The following IDO1 variants were observed in gnomAD, a reference collection of about 807,000 sequenced individuals.
IDO1 encodes the protein indolamine 2,3 dioxygenase.
Under a neutral mutation model 38.8 loss-of-function variants are expected in IDO1, and 35 were observed. The observed-to-expected ratio is 0.90, with a 90% confidence interval of 0.69 to 1.20. IDO1 has a LOEUF of 1.20. Ranked by LOEUF, IDO1 falls within the 50% of genes most tolerant of loss-of-function variation. The probability of loss-of-function intolerance (pLI) is 0.00; values close to 1 mark genes in which losing one functional copy is unlikely to be tolerated. For missense variants in IDO1, 509 were observed against 485.1 expected (o/e 1.05, Z -0.46); for synonymous variants, 171 against 170.0 (o/e 1.01, Z -0.05).
In IDO1 at chr8:39,918,097, C is replaced by T. The variant is rs1807205075; in HGVS notation, c.193C>T (p.Leu65Phe). ...CTCCATTTGTTTTCAGTTAAACATGCTCAGCATTGATCATCTCACAGACCA... is the reference window on the plus strand; with the variant it reads ...CTCCATTTGTTTTCAGTTAAACATGTTCAGCATTGATCATCTCACAGACCA... ...LRERVEKLNM[L>F]SIDHLTDHKS... The change falls in exon 3 of 10, where the codon CTC (leucine) becomes TTC (phenylalanine). Residue 65 changes from leucine to phenylalanine, a missense_variant. Coordinates refer to ENST00000518237, the MANE Select transcript of IDO1 (RefSeq NM_002164.6). 1 of 1,613,918 alleles carries T rather than the reference C, an allele frequency of 6.2e-7. No individual in the cohort carries two copies. Among genetic ancestry groups the T allele is most frequent in the Non-Finnish European group, 8.5e-7 (1 of 1,179,858 alleles).
At chr8:39,917,140 A>G (rs1489304420) in intron 1 of IDO1, among the ~76,000 whole-genome samples, 3 of 152,216 alleles carry the variant, frequency 2.0e-5, no homozygotes, top group Non-Finnish European at 4.4e-5. Context: ...TGCCTAGTCC[A>G]CTATTGACAT....
At position 39,913,998 on chromosome 8, in the gene IDO1, C is replaced by A. The variant is rs978448886; in HGVS notation, c.76C>A (p.Pro26Thr). 1.3e-6 allele frequency: 2 copies of A among 1,567,556 alleles called. No homozygotes were observed. The highest frequency in any genetic ancestry group is 2.3e-5 in the East Asian group (1 of 42,632). Residue 26 changes from proline (P) to threonine (T), a missense_variant, in exon 1 of 10, where the codon CCA becomes ACA. By Grantham distance (38) the Pro-to-Thr change is conservative. Transcript: ENST00000518237. ...TGATGAAGAAGTGGGCTTTGCTCTG[C>A]CAAATCCACAGGTAAGAGAAGGCAG... ...HIDEEVGFAL[P>T]NPQENLPDFY...
At position 39,913,934 on chromosome 8, in the gene IDO1, T is replaced by C; in HGVS notation, c.12T>C (p.Ala4=). 6.4e-7 allele frequency: 1 copy of C among 1,570,096 alleles called. No homozygotes were observed. MAH[A]MENSWTISKE... ...AGCAGACTACAAGAATGGCACACGCTATGGAAAACTCCTGGACAATCAGTA... is the reference window on the plus strand; with the variant it reads ...AGCAGACTACAAGAATGGCACACGCCATGGAAAACTCCTGGACAATCAGTA... Residue 4 remains alanine (A), a synonymous_variant, in exon 1 of 10, where the codon GCT becomes GCC. Coordinates refer to ENST00000518237, the MANE Select transcript of IDO1 (RefSeq NM_002164.6).
chr8:39,917,490 C>T (rs950248000), intron 1 of IDO1, among the ~76,000 whole-genome samples: 1 of 151,904 alleles, frequency 6.6e-6, no homozygotes, highest in African/African-American at 2.4e-5. Context: ...AGTGAGACTC[C>T]AATTCAAAAA....
At position 39,917,880 on chromosome 8, in the gene IDO1, T is replaced by C. The variant is rs188033932; in HGVS notation, c.93T>C (p.Asn31=). The C allele has an allele frequency of 8.2e-6, 13 of 1,590,532 alleles. No homozygotes were observed. The Admixed American group carries it at 2.0e-4, about 25-fold the overall frequency. The change falls in exon 2 of 10, where the codon AAT becomes AAC. Residue 31 remains asparagine (N), a synonymous_variant. Transcript: ENST00000518237. The stretch of plus-strand genomic sequence containing the variant: ...GATCTTTTTTTTTTTTCAAGGAAAA[T>C]CTACCTGATTTTTATAATGACTGGA... The part of the protein sequence containing the change: ...VGFALPNPQE[N]LPDFYNDWMF...
At chr8:39,914,978 G>A (rs1489519436) in intron 1 of IDO1, among the ~76,000 whole-genome samples, 1 of 152,134 alleles carries the variant, frequency 6.6e-6, no homozygotes, top group East Asian at 1.9e-4. Flanking sequence ...TGTTGGCCAG[G>A]CTGGTCTCGA....
chr8:39,928,283 T>C lies in IDO1; in HGVS notation c.*98T>C, dbSNP rs904016169. 7 of 807,864 alleles carry C rather than the reference T, an allele frequency of 8.7e-6. No individual in the cohort carries two copies. In the African/African-American group the frequency reaches 8.7e-5, roughly 10 times the overall value. The allele number at this position is 807,864 out of a possible 1,614,324, so 50.0% of individuals were successfully genotyped here. On this transcript the variant is annotated 3_prime_UTR_variant, in exon 10 of 10. Transcript: ENST00000518237. ...AGAGCCACAAACTAATACTATGCAA[T>C]GTTTTACCAATAATGCAATACAAAA...
In IDO1 at chr8:39,917,858, C is replaced by CTT. The variant is rs59167028; in HGVS notation, c.88-6_88-5dup. On this transcript the variant is annotated splice_polypyrimidine_tract_variant and intron_variant, in intron 1 of 9. Coordinates refer to ENST00000518237, the MANE Select transcript of IDO1 (RefSeq NM_002164.6). ...ATAACTGCTACTACTAAATAAAGAT[C>CTT]TTTTTTTTTTTTCAAGGAAAATCTA... 1.4e-4 allele frequency: 158 copies of CTT among 1,165,560 alleles called. No individual in the cohort carries two copies. The highest frequency in any genetic ancestry group is 2.1e-4 in the Admixed American group (10 of 48,536). The allele number at this position is 1,165,560 out of a possible 1,614,324, so 72.2% of individuals were successfully genotyped here.
chr8:39,925,481 T>A (rs2129592439), intron 9 of IDO1, 110 bp downstream of exon 9: 2 of 1,106,764 alleles, frequency 1.8e-6, no homozygotes, highest in African/African-American at 3.2e-5. Context: ...TCTGATAGTT[T>A]TAGCAGAATC....
At chr8:39,926,473 A>G (rs1418714924) in intron 9 of IDO1, among the ~76,000 whole-genome samples, 1 of 152,182 alleles carries the variant, frequency 6.6e-6, no homozygotes, top group Non-Finnish European at 1.5e-5. Context: ...ACCCAGAGCA[A>G]TGCCTGCACC....
chr8:39,924,915 TC>T (rs1807336989), intron 8 of IDO1, 143 bp downstream of exon 8: 3 of 722,656 alleles, frequency 4.2e-6, no homozygotes, highest in Non-Finnish European at 7.3e-6. Context: ...ACTAGACTGT[TC>T]TGTTATCACT....
chr8:39,914,980 T>C (rs2129592030), intron 1 of IDO1, among the ~76,000 whole-genome samples: 1 of 152,304 alleles, frequency 6.6e-6, no homozygotes, highest in African/African-American at 2.4e-5. Context: ...TTGGCCAGGC[T>C]GGTCTCGAAC....
In IDO1 at chr8:39,925,263, G is replaced by T; in HGVS notation, c.748G>T (p.Glu250Ter). ...CCAGCTATCAGACGGTCTGGTGTAT[G>T]AAGGGTTCTGGGAAGACCCAAAGGA... ...NPQLSDGLVY[E>*]GFWEDPKEFA... The change falls in exon 9 of 10, where the codon GAA (glutamate) becomes TAA (stop). Residue 250 changes from glutamate to a stop codon, truncating the protein, a stop_gained. Transcript: ENST00000518237. LOFTEE classifies it high-confidence loss of function. 2 of 1,613,092 alleles carry T rather than the reference G, an allele frequency of 1.2e-6. No individual in the cohort carries two copies. Among genetic ancestry groups the T allele is most frequent in the Non-Finnish European group, 1.7e-6 (2 of 1,179,536 alleles).
At chr8:39,916,746 A>G (rs1483827723) in intron 1 of IDO1, among the ~76,000 whole-genome samples, 2 of 152,226 alleles carry the variant, frequency 1.3e-5, no homozygotes, top group Non-Finnish European at 2.9e-5. Flanking sequence ...CCTCAGTATG[A>G]TTCATTTTTA....
At chr8:39,917,814 G>A (rs1807196795) in intron 1 of IDO1, 61 bp from the exon 2 acceptor site, 1 of 1,120,064 alleles carries the variant, frequency 8.9e-7, no homozygotes. Flanking sequence ...CATACTATCA[G>A]TGGGAAGCCA....
Position 39,927,999 on chromosome 8 carries a change from G to A in IDO1, c.1026G>A (p.Leu342=). ...YDACVKALVS[L]RSYHLQIVTK... is the part of the protein sequence containing the mutation. ...CCTGTGTGAAAGCTCTGGTCTCCCT[G>A]AGGAGCTACCATCTGCAAATCGTGA... is the stretch of plus-strand genomic sequence containing the variant. Residue 342 remains leucine (L), a synonymous_variant, in exon 10 of 10, where the codon CTG becomes CTA. Transcript: ENST00000518237. 1 of 1,605,596 alleles carries A rather than the reference G, an allele frequency of 6.2e-7. No individual in the cohort carries two copies. The highest frequency in any genetic ancestry group is 8.5e-7 in the Non-Finnish European group (1 of 1,176,034).
chr8:39,914,642 G>C (rs1348149216), intron 1 of IDO1, among the ~76,000 whole-genome samples: 1 of 152,176 alleles, frequency 6.6e-6, no homozygotes, highest in Non-Finnish European at 1.5e-5. Flanking sequence ...TCTAACGAAT[G>C]CTATGTAAAC....
chr8:39,913,987 G>T lies in IDO1; in HGVS notation c.65G>T (p.Gly22Val). ...GAGTACCATATTGATGAAGAAGTGG[G>T]CTTTGCTCTGCCAAATCCACAGGTA... ...SKEYHIDEEV[G>V]FALPNPQENL... The change falls in exon 1 of 10, where the codon GGC (glycine) becomes GTC (valine). Residue 22 changes from glycine (G) to valine (V), a missense_variant. Physicochemically the swap from Gly to Val is moderately radical, Grantham distance 109. Transcript: ENST00000518237. The T allele has an allele frequency of 6.4e-7, 1 of 1,570,990 alleles. No homozygotes were observed. The highest frequency in any genetic ancestry group is 1.9e-5 in the Admixed American group (1 of 53,050).
chr8:39,920,530 A>G (rs1807255692), intron 5 of IDO1: 1 of 155,328 alleles, frequency 6.4e-6, no homozygotes, highest in African/African-American at 2.4e-5. Flanking sequence ...AACATAGGCT[A>G]AGAGATGGAA....
Sources: gnomAD v4.1 joint callset for allele counts (sites outside exome capture counted in the v4.1 genomes callset) on GRCh38, gnomAD v4.1.1 for gene constraint, MANE v1.5 for transcripts, NCBI Gene and HGNC (gene_info 2026-07-23, HGNC 2026-07-21) for gene names.